The following VPS8 variants were observed in gnomAD, a reference collection of about 807,000 sequenced individuals.
VPS8 encodes VPS8 subunit of CORVET complex.
VPS8 carries 129 observed loss-of-function variants against 216.4 expected under a neutral mutation model. That is an observed-to-expected ratio of 0.60 (90% CI 0.52 to 0.69). The LOEUF (loss-of-function observed/expected upper bound fraction) is 0.69, where lower values mean the gene tolerates loss of function less well. Ranked by LOEUF, VPS8 falls within the 30% of genes least tolerant of loss-of-function variation. VPS8 has a pLI of 0.00. For synonymous variants in VPS8, 571 were observed against 565.4 expected (o/e 1.01, Z -0.14); for missense variants, 1,531 against 1,683.5 (o/e 0.91, Z 1.59).
At chr3:185,011,355 A>G (rs1325282255) in intron 45 of VPS8, among the ~76,000 whole-genome samples, 5 of 152,208 alleles carry the variant, frequency 3.3e-5, no homozygotes, top group Admixed American at 6.5e-5. Flanking sequence ...TTGGCTTGCC[A>G]TGGAGTATTG....
At chr3:185,040,823 G>A (rs750177156) in intron 46 of VPS8, among the ~76,000 whole-genome samples, 4 of 152,140 alleles carry the variant, frequency 2.6e-5, no homozygotes, top group Admixed American at 6.5e-5. Flanking sequence ...TATTGTTTCA[G>A]TTTCTGACCC....
chr3:184,849,053 A>G lies in VPS8; in HGVS notation c.542-18A>G. 1 of 1,611,738 alleles carries G rather than the reference A, an allele frequency of 6.2e-7. No homozygotes were observed. The highest frequency in any genetic ancestry group is 8.5e-7 in the Non-Finnish European group (1 of 1,178,336). On this transcript the variant is annotated intron_variant, in intron 8 of 47. Coordinates refer to ENST00000625842, the MANE Select transcript of VPS8 (RefSeq NM_001009921.3). Reference sequence around the variant, plus strand: ...TCTTGCATTTCCTTCACTTGACTTTAAAAACTGCTTTCTTTAGATCAGAAT... The same window carrying G: ...TCTTGCATTTCCTTCACTTGACTTTGAAAACTGCTTTCTTTAGATCAGAAT...
chr3:184,929,750 C>A, intron 33 of VPS8, 86 bp downstream of exon 33: 1 of 782,296 alleles, frequency 1.3e-6, no homozygotes, highest in Non-Finnish European at 1.9e-6. Context: ...GAAATATTTG[C>A]GCATGTGTAT....
chr3:184,913,681 T>G, intron 26 of VPS8, 120 bp downstream of exon 26: 2 of 756,950 alleles, frequency 2.6e-6, no homozygotes, highest in Non-Finnish European at 4.0e-6. Flanking sequence ...TTCTTTTATG[T>G]AGAGCAGTGG....
At chr3:184,862,779 A>G in intron 15 of VPS8, 118 bp from the exon 16 acceptor site, 3 of 1,039,560 alleles carry the variant, frequency 2.9e-6, no homozygotes, top group South Asian at 3.3e-5. Flanking sequence ...TGCCATGTAA[A>G]TTGTTAAATG....
At chr3:184,827,351 T>G (rs1719017862) in intron 3 of VPS8, among the ~76,000 whole-genome samples, 2 of 152,262 alleles carry the variant, frequency 1.3e-5, no homozygotes, top group South Asian at 4.1e-4. Flanking sequence ...GTGTTCTAAC[T>G]TCAGAAGTGT....
At chr3:184,986,205 AGG>A (rs1751045304) in intron 42 of VPS8, among the ~76,000 whole-genome samples, 1 of 152,204 alleles carries the variant, frequency 6.6e-6, no homozygotes, top group Non-Finnish European at 1.5e-5. Context: ...AAGGAAATCA[AGG>A]AAAGAAAGGA....
chr3:184,848,559 G>GT (rs1240573671), intron 8 of VPS8, among the ~76,000 whole-genome samples: 1 of 116,592 alleles, frequency 8.6e-6, no homozygotes, highest in Non-Finnish European at 1.9e-5. Context: ...TTTTTTTCCT[G>GT]TATTCTTTTT....
chr3:185,045,403 G>C (rs1712640510), intron 46 of VPS8, among the ~76,000 whole-genome samples: 1 of 152,136 alleles, frequency 6.6e-6, no homozygotes, highest in Admixed American at 6.5e-5. Flanking sequence ...TACCATCCCT[G>C]TTCTTGAGAA....
At chr3:184,917,949 C>T (rs928495427) in intron 28 of VPS8, among the ~76,000 whole-genome samples, 3 of 152,020 alleles carry the variant, frequency 2.0e-5, no homozygotes, top group East Asian at 1.9e-4. Context: ...GGCACACGTC[C>T]GAGAGGCTTC....
intron 23 of VPS8, among the ~76,000 whole-genome samples, chr3:184,896,095 A>G (rs1733421699): frequency 6.6e-6 from 1 of 152,154 alleles, no homozygotes; most frequent in Non-Finnish European, 1.5e-5. Flanking sequence ...AGGGTTTGGA[A>G]AAATGATTAT....
chr3:184,877,731 C>T (rs1283353871), intron 21 of VPS8, among the ~76,000 whole-genome samples: 1 of 152,168 alleles, frequency 6.6e-6, no homozygotes, highest in Non-Finnish European at 1.5e-5. Context: ...TATGTTTCAT[C>T]CCACAGTTTA....
intron 40 of VPS8, among the ~76,000 whole-genome samples, chr3:184,977,728 C>CTTTTTTT (rs55724735): frequency 1.6e-5 from 2 of 126,016 alleles, no homozygotes; most frequent in African/African-American, 5.7e-5. Flanking sequence ...CATTGCTTAT[C>CTTTTTTT]TTTTTTTTTT....
chr3:184,824,838 G>A, intron 2 of VPS8, 53 bp downstream of exon 2: 2 of 1,509,220 alleles, frequency 1.3e-6, no homozygotes, highest in Non-Finnish European at 9.0e-7. Flanking sequence ...GTAGATTAGA[G>A]TATGCTTTGT....
intron 21 of VPS8, among the ~76,000 whole-genome samples, chr3:184,876,305 C>G (rs1200861025): frequency 6.6e-6 from 1 of 151,264 alleles, no homozygotes; most frequent in Non-Finnish European, 1.5e-5. Context: ...GTCAAGATGT[C>G]TGTGTACCAT....
intron 43 of VPS8, among the ~76,000 whole-genome samples, chr3:184,994,488 G>A (rs1173523904): frequency 1.4e-5 from 2 of 142,978 alleles, no homozygotes; most frequent in African/African-American, 2.6e-5. Context: ...ACCCTTCTCT[G>A]AAAAAAAAAA....
At chr3:184,828,383 C>T (rs1340300710) in intron 3 of VPS8, among the ~76,000 whole-genome samples, 2 of 152,142 alleles carry the variant, frequency 1.3e-5, no homozygotes, top group Non-Finnish European at 2.9e-5. Context: ...AAGTGATCTG[C>T]GGGCCTCGGC....
chr3:184,870,570 TA>T (rs1560465718), intron 20 of VPS8, 145 bp from the exon 21 acceptor site: 2 of 639,254 alleles, frequency 3.1e-6, no homozygotes, highest in Non-Finnish European at 5.4e-6. Context: ...GCTAGAGTTT[TA>T]AAAAGTTGGT....
chr3:184,936,737 G>A (rs1376087864), intron 35 of VPS8, among the ~76,000 whole-genome samples: 1 of 150,222 alleles, frequency 6.7e-6, no homozygotes, highest in Non-Finnish European at 1.5e-5. Context: ...CCACAACCCC[G>A]TTTTCTTTTT....
Sources: gnomAD v4.1 joint callset for allele counts (sites outside exome capture counted in the v4.1 genomes callset) on GRCh38, gnomAD v4.1.1 for gene constraint, MANE v1.5 for transcripts, NCBI Gene and HGNC (gene_info 2026-07-23, HGNC 2026-07-21) for gene names.